The following GRK3 variants were observed in gnomAD, a reference collection of about 807,000 sequenced individuals.
GRK3 encodes the protein adrenergic, beta, receptor kinase 2.
A neutral mutation model predicts 95.7 loss-of-function variants in GRK3; 54 were observed. The observed-to-expected ratio is 0.56, with a 90% CI of 0.45 to 0.71. The LOEUF (loss-of-function observed/expected upper bound fraction) is 0.71. GRK3 is among the 30% of genes least tolerant of loss of function. The probability of loss-of-function intolerance (pLI) is 0.00; values close to 1 mark genes in which losing one functional copy is unlikely to be tolerated. For synonymous variants in GRK3, 281 were observed against 290.8 expected, an observed-to-expected ratio of 0.97 and a Z score of 0.34; for missense variants, 649 against 851.2, an observed-to-expected ratio of 0.76 and a Z score of 2.96.
chr22:25,713,064 C>G (rs1164376673), intron 17 of GRK3, among the ~76,000 whole-genome samples: 3 of 152,230 alleles, frequency 2.0e-5, no homozygotes, highest in African/African-American at 7.2e-5. Flanking sequence ...AAGGTGGGCT[C>G]AGTCATAAAG....
At chr22:25,693,259 A>G (rs1158708443) in intron 12 of GRK3, among the ~76,000 whole-genome samples, 1 of 152,242 alleles carries the variant, frequency 6.6e-6, no homozygotes, top group African/African-American at 2.4e-5. Flanking sequence ...AGGAAGCATT[A>G]GCAGCTGCCT....
intron 15 of GRK3, among the ~76,000 whole-genome samples, chr22:25,705,044 A>G (rs1034512453): frequency 2.0e-5 from 3 of 152,210 alleles, no homozygotes; most frequent in Non-Finnish European, 4.4e-5. Context: ...TATATCATAC[A>G]TATGTGTATG....
intron 15 of GRK3, among the ~76,000 whole-genome samples, chr22:25,709,098 C>T (rs982525323): frequency 2.0e-5 from 3 of 151,602 alleles, no homozygotes; most frequent in Non-Finnish European, 2.9e-5. Context: ...AGTCCAGTGG[C>T]GCAATCTCGG....
At chr22:25,673,155 G>C (rs904176551) in intron 7 of GRK3, among the ~76,000 whole-genome samples, 1 of 148,544 alleles carries the variant, frequency 6.7e-6, no homozygotes. Context: ...TCCGCCTCCC[G>C]GGTTCACACC....
At chr22:25,711,803 C>T (rs1269472572) in intron 17 of GRK3, among the ~76,000 whole-genome samples, 1 of 152,158 alleles carries the variant, frequency 6.6e-6, no homozygotes, top group Admixed American at 6.5e-5. Flanking sequence ...TGCCCCCGGG[C>T]CTTCCCTGTT....
Position 25,725,728 on chromosome 22 carries a change from C to G in GRK3, c.*3278C>G, listed in dbSNP as rs1419503512. ...TTGGGAGGCCGAGAGGGGCGGTTCA[C>G]GAGGTCAGGAGATTGAGACCATCCT... On this transcript the variant is annotated 3_prime_UTR_variant, in exon 21 of 21. Coordinates refer to ENST00000324198, the MANE Select transcript of GRK3 (RefSeq NM_005160.4). 2.5e-6 allele frequency: 1 copy of G among 397,520 alleles called. No individual in the cohort carries two copies. Among genetic ancestry groups the G allele is most frequent in the Non-Finnish European group, 4.4e-6 (1 of 225,698 alleles). The allele number at this position is 397,520 out of a possible 1,614,324, so 24.6% of individuals were successfully genotyped here. A position where few individuals can be genotyped will look rare whatever the true frequency, so the allele number is the denominator to read the frequency against.
intron 1 of GRK3, among the ~76,000 whole-genome samples, 167 bp from the exon 2 acceptor site, chr22:25,604,210 C>T (rs1271704781): frequency 6.6e-6 from 1 of 152,140 alleles, no homozygotes; most frequent in African/African-American, 2.4e-5. Flanking sequence ...TGGCTAAGGC[C>T]ATGAAGTTTC....
intron 2 of GRK3, among the ~76,000 whole-genome samples, chr22:25,637,420 A>T (rs545983684): frequency 6.6e-6 from 1 of 152,224 alleles, no homozygotes; most frequent in Non-Finnish European, 1.5e-5. Context: ...TGCTGGATGT[A>T]TCAGTAGTTT....
chr22:25,713,875 G>C (rs2085362811), intron 17 of GRK3, among the ~76,000 whole-genome samples: 3 of 152,128 alleles, frequency 2.0e-5, no homozygotes, highest in Admixed American at 6.5e-5. Context: ...ATGTCAAACT[G>C]TAAATAGTTG....
At chr22:25,601,962 G>A (rs2084412230) in intron 1 of GRK3, among the ~76,000 whole-genome samples, 1 of 152,146 alleles carries the variant, frequency 6.6e-6, no homozygotes, top group Admixed American at 6.5e-5. Flanking sequence ...GTCCATCAAA[G>A]AAATGTCAAT....
intron 13 of GRK3, among the ~76,000 whole-genome samples, chr22:25,700,706 G>C (rs1429418402): frequency 6.6e-6 from 1 of 152,104 alleles, no homozygotes; most frequent in African/African-American, 2.4e-5. Context: ...TCCTGCCTCA[G>C]CCTCCCGAGT....
chr22:25,660,318 T>C (rs916789127), intron 3 of GRK3, among the ~76,000 whole-genome samples: 1 of 152,198 alleles, frequency 6.6e-6, no homozygotes, highest in Non-Finnish European at 1.5e-5. Context: ...ATGTTGACAT[T>C]ACTGGACTGA....
chr22:25,665,333 C>T (rs997247490), intron 5 of GRK3, among the ~76,000 whole-genome samples: 1 of 152,138 alleles, frequency 6.6e-6, no homozygotes, highest in African/African-American at 2.4e-5. Flanking sequence ...TGCCATGGTA[C>T]GTAGACAGCC....
chr22:25,684,796 C>A lies in GRK3; in HGVS notation c.748-374C>A, dbSNP rs925084818. Among the ~76,000 whole-genome samples the A allele has an allele frequency of 3.3e-5, 5 of 152,122 alleles. No homozygotes were observed. The South Asian group carries it at 1.0e-3, about 32-fold the overall frequency. On this transcript the variant is annotated intron_variant, in intron 9 of 20. Transcript: ENST00000324198. Reference sequence around the variant, plus strand: ...TGTCTCTATGCATTTTATTATGTAACCAGCTCCATTTTACTGTGACTTTAA... The same window carrying A: ...TGTCTCTATGCATTTTATTATGTAAACAGCTCCATTTTACTGTGACTTTAA...
At chr22:25,677,777 CACAAGA>C (rs2085043492) in intron 8 of GRK3, among the ~76,000 whole-genome samples, 1 of 152,196 alleles carries the variant, frequency 6.6e-6, no homozygotes, top group African/African-American at 2.4e-5. Context: ...TAGAGTTATA[CACAAGA>C]ACTTTCAGCC....
intron 1 of GRK3, among the ~76,000 whole-genome samples, chr22:25,575,758 G>A (rs1479150199): frequency 1.3e-5 from 2 of 152,192 alleles, no homozygotes; most frequent in Admixed American, 6.5e-5. Context: ...AATTACTCCA[G>A]ATACATCCAT....
chr22:25,599,566 T>TAGGTG (rs1184918040), intron 1 of GRK3, among the ~76,000 whole-genome samples: 3 of 142,074 alleles, frequency 2.1e-5, no homozygotes, highest in Non-Finnish European at 4.5e-5. Context: ...CACTCCAGCC[T>TAGGTG]AGGTGACAGA....
chr22:25,580,670 A>T (rs1389829999), intron 1 of GRK3: 5 of 152,204 alleles, frequency 3.3e-5, no homozygotes, highest in African/African-American at 1.2e-4. Flanking sequence ...ACTAGCTGGG[A>T]TTACAGGCGA....
intron 2 of GRK3, among the ~76,000 whole-genome samples, chr22:25,608,370 G>A (rs2084468753): frequency 1.3e-5 from 2 of 152,132 alleles, no homozygotes; most frequent in South Asian, 2.1e-4. Flanking sequence ...AGAAAGGTAC[G>A]TGTTCATGGT....
Sources: gnomAD v4.1 joint callset for allele counts (sites outside exome capture counted in the v4.1 genomes callset) on GRCh38, gnomAD v4.1.1 for gene constraint, MANE v1.5 for transcripts, NCBI Gene and HGNC (gene_info 2026-07-23, HGNC 2026-07-21) for gene names.